Variants in ZNF100 observed in about 807,000 individuals in gnomAD.
The protein encoded by ZNF100 is zinc finger protein 100 (Y1).
Under a neutral mutation model 15.8 loss-of-function variants are expected in ZNF100, and 12 were observed. The ratio of observed to expected loss-of-function variants is 0.76; its 90% CI spans 0.49 to 1.23. ZNF100 has a LOEUF of 1.23. Ranked by LOEUF, ZNF100 falls within the 50% of genes most tolerant of loss-of-function variation. ZNF100 has a pLI of 0.00. For synonymous variants in ZNF100, 226 were observed against 214.8 expected, an observed-to-expected ratio of 1.05 and a Z score of -0.45; for missense variants, 670 against 635.6, an observed-to-expected ratio of 1.05 and a Z score of -0.58.
intron 4 of ZNF100, among the ~76,000 whole-genome samples, chr19:21,729,838 C>T (rs1455897933): frequency 2.0e-5 from 3 of 151,576 alleles, no homozygotes; most frequent in Non-Finnish European, 4.4e-5. Flanking sequence ...AAATCAATGA[C>T]AAATTTGAGG....
chr19:21,757,307 G>A (rs1172738209), intron 2 of ZNF100, among the ~76,000 whole-genome samples: 2 of 152,204 alleles, frequency 1.3e-5, no homozygotes, highest in Middle Eastern at 3.2e-3. Flanking sequence ...GCATGGTGGT[G>A]CATGTCTGTA....
chr19:21,765,709 C>A lies in ZNF100; in HGVS notation c.81G>T (p.Gln27His), dbSNP rs550860903. ...AAGGGGTTACCTTTTCAAAATAAGACTGCACCAGAAGACTCCTCTCAGCCC... is the reference window on the plus strand; with the variant it reads ...AAGGGGTTACCTTTTCAAAATAAGAATGCACCAGAAGACTCCTCTCAGCCC... ...CPGAERSLLV[Q>H]SYFEKGPLTF... The change falls in exon 2 of 5, where the codon CAG (glutamine) becomes CAT (histidine). Residue 27 changes from glutamine to histidine, a missense_variant. Coordinates refer to ENST00000358296, the MANE Select transcript of ZNF100 (RefSeq NM_173531.4). 3 of 1,614,048 alleles carry A rather than the reference C, an allele frequency of 1.9e-6. No individual in the cohort carries two copies. The highest frequency in any genetic ancestry group is 1.7e-6 in the Non-Finnish European group (2 of 1,179,964).
At chr19:21,766,866 C>T (rs1316099480) in intron 1 of ZNF100, among the ~76,000 whole-genome samples, 2 of 151,988 alleles carry the variant, frequency 1.3e-5, no homozygotes, top group African/African-American at 4.8e-5. Flanking sequence ...CAGTGACAGG[C>T]GCCTGTAATC....
chr19:21,751,031 T>G (rs1335042006), intron 2 of ZNF100: 26 of 1,317,770 alleles, frequency 2.0e-5, no homozygotes, highest in African/African-American at 2.9e-5. Context: ...GGCCACCACC[T>G]GCAGCACATC....
chr19:21,765,601 C>G, intron 2 of ZNF100, 93 bp downstream of exon 2: 1 of 1,129,656 alleles, frequency 8.9e-7, no homozygotes, highest in East Asian at 2.4e-5. Context: ...TGTTTCCCCT[C>G]AATACCAGCA....
At chr19:21,728,688 T>A (rs1210878647) in intron 4 of ZNF100, among the ~76,000 whole-genome samples, 1 of 152,026 alleles carries the variant, frequency 6.6e-6, no homozygotes, top group South Asian at 2.1e-4. Context: ...ATTATAAAGA[T>A]TGTGACAGGT....
chr19:21,731,721 C>T (rs1350196986), intron 4 of ZNF100, among the ~76,000 whole-genome samples: 1 of 152,022 alleles, frequency 6.6e-6, no homozygotes, highest in East Asian at 1.9e-4. Flanking sequence ...AAAAATAAAG[C>T]TTGATGACAT....
intron 4 of ZNF100, among the ~76,000 whole-genome samples, chr19:21,738,453 T>C (rs374855807): frequency 6.6e-6 from 1 of 151,974 alleles, no homozygotes; most frequent in East Asian, 1.9e-4. Flanking sequence ...CTGGCACTGG[T>C]ATAAAAACAG....
chr19:21,738,788 C>T (rs2036056067), intron 4 of ZNF100, among the ~76,000 whole-genome samples: 1 of 151,872 alleles, frequency 6.6e-6, no homozygotes, highest in Admixed American at 6.6e-5. Flanking sequence ...TACTAAAAAA[C>T]TACAAAAATT....
chr19:21,737,071 C>CA (rs139529028), intron 4 of ZNF100, among the ~76,000 whole-genome samples: 12,235 of 149,056 alleles, frequency 0.082, 575 homozygotes, highest in Middle Eastern at 0.15. Flanking sequence ...GATAGAGACA[C>CA]AAAAAAAACC....
intron 4 of ZNF100, among the ~76,000 whole-genome samples, chr19:21,734,042 C>T (rs1260647010): frequency 1.3e-5 from 2 of 152,166 alleles, no homozygotes; most frequent in African/African-American, 2.4e-5. Flanking sequence ...AATGTCCCCA[C>T]AAAAACCCCA....
At chr19:21,756,070 G>C (rs1273660451) in intron 2 of ZNF100, among the ~76,000 whole-genome samples, 2 of 152,012 alleles carry the variant, frequency 1.3e-5, no homozygotes, top group East Asian at 1.9e-4. Context: ...TTTTTTAAAA[G>C]AGGAAAAAAA....
intron 2 of ZNF100, among the ~76,000 whole-genome samples, chr19:21,757,121 G>A (rs2036404330): frequency 6.6e-6 from 1 of 151,984 alleles, no homozygotes; most frequent in East Asian, 1.9e-4. Flanking sequence ...TGGCCAACGT[G>A]GTGAAACCCT....
rs554935747 is a variant in ZNF100 at position 21,767,352 on chromosome 19, C to T, written c.3+75G>A. 2.8e-4 allele frequency: 449 copies of T among 1,611,550 alleles called. 4 individuals are homozygous for T. The South Asian group carries it at 4.5e-3, about 16-fold the overall frequency. ...AGCTGACTGCGGAGAGGCCTGAGTC[C>T]CGCCACAGCTACTTCCCACCAGTTC... On this transcript the variant is annotated intron_variant, in intron 1 of 4. Coordinates refer to ENST00000358296, the MANE Select transcript of ZNF100 (RefSeq NM_173531.4).
chr19:21,738,005 C>CT (rs2036038249), intron 4 of ZNF100, among the ~76,000 whole-genome samples: 1 of 152,036 alleles, frequency 6.6e-6, no homozygotes, highest in Non-Finnish European at 1.5e-5. Context: ...AATCCCAGCA[C>CT]TTTGAGAGGC....
intron 4 of ZNF100, among the ~76,000 whole-genome samples, chr19:21,730,858 C>T (rs1372198910): frequency 6.6e-6 from 1 of 151,696 alleles, no homozygotes; most frequent in African/African-American, 2.4e-5. Context: ...TAAACATTTA[C>T]AAATATATGG....
chr19:21,758,004 A>C (rs1416360313), intron 2 of ZNF100, among the ~76,000 whole-genome samples: 1 of 152,178 alleles, frequency 6.6e-6, no homozygotes, highest in Non-Finnish European at 1.5e-5. Context: ...ACTGCACTTC[A>C]GCCTGTGTGA....
chr19:21,746,141 ATAG>A (rs1329679376), intron 2 of ZNF100, among the ~76,000 whole-genome samples: 1 of 152,224 alleles, frequency 6.6e-6, no homozygotes, highest in Non-Finnish European at 1.5e-5. Context: ...AATATCAACC[ATAG>A]TAGGACGAAT....
At chr19:21,767,334 T>C (rs1202994822) in intron 1 of ZNF100, 93 bp downstream of exon 1, 2 of 1,600,856 alleles carry the variant, frequency 1.2e-6, no homozygotes. Flanking sequence ...TGAAGCTGAC[T>C]GCGGAGAGGC....
Sources: gnomAD v4.1 joint callset for allele counts (sites outside exome capture counted in the v4.1 genomes callset) on GRCh38, gnomAD v4.1.1 for gene constraint, MANE v1.5 for transcripts, NCBI Gene and HGNC (gene_info 2026-07-23, HGNC 2026-07-21) for gene names.